Variants in HERC1 observed in about 807,000 individuals in gnomAD.
HERC1 encodes the protein HECT and RLD domain containing E3 ubiquitin protein ligase family member 1, also known as probable E3 ubiquitin-protein ligase HERC1.
HERC1 carries 160 observed loss-of-function variants against 554.3 expected under a neutral mutation model. The ratio of observed to expected loss-of-function variants is 0.29; its 90% confidence interval spans 0.25 to 0.33. The LOEUF (loss-of-function observed/expected upper bound fraction) is 0.33, where lower values mean the gene tolerates loss of function less well. HERC1 is among the 10% of genes least tolerant of loss of function. The pLI is 1.00. For synonymous variants in HERC1, 2,175 were observed against 2,131.7 expected, an observed-to-expected ratio of 1.02 and a Z score of -0.56; for missense variants, 4,919 against 5,918.5, an observed-to-expected ratio of 0.83 and a Z score of 5.54.
At chr15:63,615,705 T>C in intron 76 of HERC1, 63 bp downstream of exon 76, 2 of 1,395,064 alleles carry the variant, frequency 1.4e-6, no homozygotes, top group African/African-American at 1.5e-5. Context: ...GCATACCCAG[T>C]CAGCTCTCAT....
In HERC1 at chr15:63,626,275, C is replaced by T. The variant is rs890517200; in HGVS notation, c.13106-121G>A. ...ATTACACAATGGACACCCATTCAAA[C>T]CTCTATCCATCGATTCATCTTAGTT... On this transcript the variant is annotated intron_variant, in intron 70 of 77. Transcript: ENST00000443617. 5 of 892,666 alleles carry T rather than the reference C, an allele frequency of 5.6e-6. No individual in the cohort carries two copies. In the African/African-American group the frequency reaches 6.8e-5, roughly 12 times the overall value. The allele number at this position is 892,666 out of a possible 1,614,324, so 55.3% of individuals were successfully genotyped here. A position where few individuals can be genotyped will look rare whatever the true frequency, so the allele number is the denominator to read the frequency against.
At chr15:63,802,250 T>C (rs1298889650) in intron 1 of HERC1, among the ~76,000 whole-genome samples, 1 of 152,204 alleles carries the variant, frequency 6.6e-6, no homozygotes, top group African/African-American at 2.4e-5. Flanking sequence ...TATCAATGGT[T>C]AGCTGTGCAA....
At chr15:63,637,706 C>A in intron 63 of HERC1, 63 bp from the exon 64 acceptor site, 6 of 1,335,970 alleles carry the variant, frequency 4.5e-6, no homozygotes, top group African/African-American at 1.5e-5. Context: ...CATGCAAGCA[C>A]TTGAAATGAT....
At chr15:63,706,852 A>G (rs1239831943) in intron 24 of HERC1, 21 bp from the exon 25 acceptor site, 1 of 1,469,828 alleles carries the variant, frequency 6.8e-7, no homozygotes, top group Admixed American at 2.1e-5. Context: ...TAAAAAGTAA[A>G]TAAATAAAAT....
At position 63,645,758 on chromosome 15, in the gene HERC1, CTT is replaced by C. The variant is rs1042037188; in HGVS notation, c.10879-78_10879-77del. On this transcript the variant is annotated intron_variant, in intron 55 of 77. Transcript: ENST00000443617. The stretch of plus-strand genomic sequence containing the variant: ...ATACTTTAAATTCAGTAATACATAA[CTT>C]ATATTTCTTAGCATCTATATTTCTA... 7 of 792,188 alleles carry C rather than the reference CTT, an allele frequency of 8.8e-6. 1 individual carries two copies. The highest frequency in any genetic ancestry group is 3.3e-5 in the Admixed American group (1 of 30,242). The allele number at this position is 792,188 out of a possible 1,614,324, so 49.1% of individuals were successfully genotyped here.
At chr15:63,818,138 CTG>C in intron 1 of HERC1, among the ~76,000 whole-genome samples, 1 of 151,846 alleles carries the variant, frequency 6.6e-6, no homozygotes, top group East Asian at 1.9e-4. Context: ...TTATAGCTCT[CTG>C]TGAAAAAAAG....
intron 19 of HERC1, among the ~76,000 whole-genome samples, chr15:63,721,208 G>C (rs1311656907): frequency 2.0e-5 from 3 of 152,074 alleles, no homozygotes; most frequent in Non-Finnish European, 4.4e-5. Context: ...CACCACAACA[G>C]AATGAATGAA....
intron 26 of HERC1, among the ~76,000 whole-genome samples, chr15:63,698,475 TAGTTTGTAGG>T (rs1365947843): frequency 1.3e-5 from 2 of 150,552 alleles, no homozygotes; most frequent in Non-Finnish European, 1.5e-5. Context: ...AGTCTCACCC[TAGTTTGTAGG>T]AGACATGTGA....
Position 63,612,919 on chromosome 15 carries a change from G to A in HERC1, c.14095-363C>T, listed in dbSNP as rs2067663637. Among the ~76,000 whole-genome samples, 1 of 152,112 alleles carries A rather than the reference G, an allele frequency of 6.6e-6. No individual in the cohort carries two copies. The highest frequency in any genetic ancestry group is 6.5e-5 in the Admixed American group (1 of 15,276). On this transcript the variant is annotated intron_variant, in intron 76 of 77. Coordinates refer to ENST00000443617, the MANE Select transcript of HERC1 (RefSeq NM_003922.4). The surrounding 1 kb of genome is among the most constrained non-coding windows in gnomAD (Gnocchi z 5.0). The stretch of plus-strand genomic sequence containing the variant: ...ATGTGCTGTCAAACTATGCATGTGT[G>A]GACACTTCATCTCATAAAGGTAAGA...
intron 2 of HERC1, among the ~76,000 whole-genome samples, chr15:63,764,926 C>G (rs1476641339): frequency 6.6e-6 from 1 of 152,074 alleles, no homozygotes; most frequent in Non-Finnish European, 1.5e-5. Context: ...GGTATATGAC[C>G]TTCTAGGGTC....
intron 1 of HERC1, among the ~76,000 whole-genome samples, chr15:63,820,801 C>T (rs939453942): frequency 6.6e-6 from 1 of 152,082 alleles, no homozygotes; most frequent in African/African-American, 2.4e-5. Context: ...TATAGGCATG[C>T]CACCATGCCC....
Position 63,718,602 on chromosome 15 carries a change from T to G in HERC1, c.3950A>C (p.Gln1317Pro), listed in dbSNP as rs2140398905. The change falls in exon 21 of 78, where the codon CAA (glutamine) becomes CCA (proline). Residue 1317 changes from glutamine (Q) to proline (P), a missense_variant. Gln to Pro is a moderately conservative substitution (Grantham distance 76). Transcript: ENST00000443617. The surrounding 1 kb of genome is among the most constrained non-coding windows in gnomAD (Gnocchi z 4.2). Reference protein sequence around the residue: ...LLACKNLELIQTRSSSRDRWI... With the variant: ...LLACKNLELIPTRSSSRDRWI... Reference sequence around the variant, plus strand: ...TCTGTCCCGTGATGATGACCTTGTTTGAATAAGTTCAAGGTTCTTGCAAGC... The same window carrying G: ...TCTGTCCCGTGATGATGACCTTGTTGGAATAAGTTCAAGGTTCTTGCAAGC... 1.3e-6 allele frequency: 2 copies of G among 1,585,726 alleles called. No homozygotes were observed. The highest frequency in any genetic ancestry group is 2.3e-5 in the East Asian group (1 of 44,270).
intron 55 of HERC1, among the ~76,000 whole-genome samples, chr15:63,646,543 C>T (rs913839881): frequency 8.0e-5 from 12 of 150,720 alleles, no homozygotes; most frequent in African/African-American, 2.4e-4. Flanking sequence ...GGCTCACGCC[C>T]GTAATCCAAA....
chr15:63,653,657 G>T (rs1189594786), intron 51 of HERC1, among the ~76,000 whole-genome samples: 1 of 152,090 alleles, frequency 6.6e-6, no homozygotes, highest in East Asian at 1.9e-4. Flanking sequence ...ATCCTCCCAT[G>T]TAATTTAAAT....
At chr15:63,739,360 G>C (rs943551362) in intron 12 of HERC1, among the ~76,000 whole-genome samples, 1 of 151,648 alleles carries the variant, frequency 6.6e-6, no homozygotes, top group Non-Finnish European at 1.5e-5. Context: ...ACAACGCCAG[G>C]CTAATTTTTG....
At chr15:63,714,149 T>A (rs1259836881) in intron 22 of HERC1, among the ~76,000 whole-genome samples, 2 of 152,116 alleles carry the variant, frequency 1.3e-5, no homozygotes, top group African/African-American at 2.4e-5. Flanking sequence ...AATAACTGCT[T>A]ATTTCTGAAA....
intron 55 of HERC1, 140 bp downstream of exon 55, chr15:63,647,929 G>A (rs2069442475): frequency 1.5e-6 from 1 of 687,864 alleles, no homozygotes; most frequent in South Asian, 1.9e-5. Flanking sequence ...TGGATTATGA[G>A]AGATTACTTG....
rs778263359 is a variant in HERC1 at position 63,833,753 on chromosome 15, GCACA to G, written c.-27+70_-27+73del. ...GCCGGCAAAGCACACACGCGCGCGC[GCACA>G]CACACACACACACACACACACACAC... On this transcript the variant is annotated intron_variant, in intron 1 of 77. Coordinates refer to ENST00000443617, the MANE Select transcript of HERC1 (RefSeq NM_003922.4). The G allele has an allele frequency of 3.7e-3, 174 of 46,478 alleles. 2 individuals are homozygous for G. Among genetic ancestry groups the G allele is most frequent in the South Asian group, 0.017 (35 of 2,010 alleles). The allele number at this position is 46,478 out of a possible 1,614,324, so 2.9% of individuals were successfully genotyped here.
chr15:63,724,529 T>C (rs1383683047), intron 18 of HERC1, among the ~76,000 whole-genome samples: 2 of 152,220 alleles, frequency 1.3e-5, no homozygotes, highest in Admixed American at 6.5e-5. Context: ...TCTTTTCCGC[T>C]CTCCTTCTTT....
Sources: allele counts gnomAD v4.1 joint callset (sites outside exome capture counted in the v4.1 genomes callset), GRCh38; gene constraint gnomAD v4.1.1; non-coding constraint Gnocchi (gnomAD v3.1); transcripts MANE v1.5; gene names NCBI Gene and HGNC (gene_info 2026-07-23, HGNC 2026-07-21).